The following ERC2 variants were observed in gnomAD, a reference collection of about 807,000 sequenced individuals.
ERC2 encodes the protein ELKS/RAB6-interacting/CAST family member 2, also known as ERC protein 2.
Under a neutral mutation model 114.8 loss-of-function variants are expected in ERC2, and 42 were observed. That is an observed-to-expected ratio of 0.37 (90% CI 0.29 to 0.47). ERC2 has a LOEUF of 0.47. Among genes scored for constraint, ERC2 ranks in the 20% least tolerant of loss-of-function variants. The pLI is 0.99. For missense variants in ERC2, 939 were observed against 1,150.7 expected, an observed-to-expected ratio of 0.82 and a Z score of 2.66; for synonymous variants, 454 against 425.5, an observed-to-expected ratio of 1.07 and a Z score of -0.82.
At chr3:56,137,058 G>T (rs2080551056) in intron 6 of ERC2, among the ~76,000 whole-genome samples, 1 of 152,092 alleles carries the variant, frequency 6.6e-6, no homozygotes, top group African/African-American at 2.4e-5. Flanking sequence ...GTCTAATTTG[G>T]ACTACATTAA....
intron 14 of ERC2, among the ~76,000 whole-genome samples, chr3:55,738,941 T>C (rs1048982984): frequency 1.3e-5 from 2 of 152,114 alleles, no homozygotes; most frequent in African/African-American, 4.8e-5. Flanking sequence ...CCCCAGTGTG[T>C]GATGTTCCCC....
intron 17 of ERC2, among the ~76,000 whole-genome samples, chr3:55,596,522 C>T (rs138411050): frequency 4.6e-5 from 7 of 152,222 alleles, no homozygotes; most frequent in East Asian, 3.9e-4. Flanking sequence ...AAGGTTACAG[C>T]GAGCTGTGAT....
intron 14 of ERC2, among the ~76,000 whole-genome samples, chr3:55,756,675 A>G (rs2067079753): frequency 6.6e-6 from 1 of 152,224 alleles, no homozygotes; most frequent in Non-Finnish European, 1.5e-5. Context: ...AAATCAAATC[A>G]GCTTGAAAAC....
chr3:56,090,776 G>C (rs2149784544), intron 6 of ERC2, among the ~76,000 whole-genome samples: 1 of 134,514 alleles, frequency 7.4e-6, no homozygotes, highest in African/African-American at 2.8e-5. Flanking sequence ...ATTTTTCAAT[G>C]CTCCCTGGCT....
chr3:56,327,645 C>T (rs1475982393), intron 2 of ERC2, among the ~76,000 whole-genome samples: 2 of 152,126 alleles, frequency 1.3e-5, no homozygotes, highest in African/African-American at 2.4e-5. Context: ...CACTGCACTC[C>T]GGTCTGGATA....
chr3:55,697,008 T>C (rs1364724437), intron 16 of ERC2, among the ~76,000 whole-genome samples: 1 of 152,232 alleles, frequency 6.6e-6, no homozygotes, highest in East Asian at 1.9e-4. Flanking sequence ...GTTTCTAAGG[T>C]ATGGGCCCCT....
chr3:55,679,201 T>G (rs2061946009), intron 17 of ERC2, among the ~76,000 whole-genome samples: 3 of 152,218 alleles, frequency 2.0e-5, no homozygotes, highest in Admixed American at 2.0e-4. Flanking sequence ...TCTCACTGTT[T>G]TGTGCTCTAC....
chr3:56,307,869 C>A (rs1232393453), intron 2 of ERC2, among the ~76,000 whole-genome samples: 1 of 151,986 alleles, frequency 6.6e-6, no homozygotes, highest in African/African-American at 2.4e-5. Context: ...CACAGAATGA[C>A]CCTCTCAAGG....
chr3:56,318,404 T>C (rs1378043136), intron 2 of ERC2, among the ~76,000 whole-genome samples: 1 of 152,156 alleles, frequency 6.6e-6, no homozygotes, highest in African/African-American at 2.4e-5. Flanking sequence ...CTCAAACTCC[T>C]GGGCTCAAGT....
At chr3:56,416,841 T>C (rs991654011) in intron 2 of ERC2, among the ~76,000 whole-genome samples, 1 of 152,190 alleles carries the variant, frequency 6.6e-6, no homozygotes, top group African/African-American at 2.4e-5. Flanking sequence ...CATGGTTCCA[T>C]GTTTATTGAC....
At chr3:56,334,054 A>C (rs1458164844) in intron 2 of ERC2, among the ~76,000 whole-genome samples, 8 of 152,198 alleles carry the variant, frequency 5.3e-5, no homozygotes, top group Non-Finnish European at 7.4e-5. Flanking sequence ...GTTTAATCCC[A>C]AAAGCAACCA....
At chr3:56,195,997 A>C (rs1475699042) in intron 3 of ERC2, among the ~76,000 whole-genome samples, 1 of 152,178 alleles carries the variant, frequency 6.6e-6, no homozygotes, top group Non-Finnish European at 1.5e-5. Context: ...CACAGCACAG[A>C]GTGTTGTATC....
At chr3:55,702,316 G>T (rs1358688071) in intron 15 of ERC2, among the ~76,000 whole-genome samples, 1 of 152,134 alleles carries the variant, frequency 6.6e-6, no homozygotes, top group Non-Finnish European at 1.5e-5. Flanking sequence ...GAGCGGAAGA[G>T]GCTTCTTTTG....
At chr3:55,626,176 C>T (rs2148612562) in intron 17 of ERC2, among the ~76,000 whole-genome samples, 1 of 152,246 alleles carries the variant, frequency 6.6e-6, no homozygotes, top group Admixed American at 6.5e-5. Flanking sequence ...TTTAGCATGC[C>T]TTTTTGACCT....
chr3:56,451,361 T>C (rs1391479644), intron 1 of ERC2, among the ~76,000 whole-genome samples: 2 of 151,924 alleles, frequency 1.3e-5, no homozygotes, highest in Non-Finnish European at 2.9e-5. Flanking sequence ...TTAGCAAAGA[T>C]TGTAAGCTAT....
At chr3:55,632,153 C>G (rs2059781255) in intron 17 of ERC2, among the ~76,000 whole-genome samples, 1 of 152,228 alleles carries the variant, frequency 6.6e-6, no homozygotes, top group African/African-American at 2.4e-5. Flanking sequence ...TGCCAAACAG[C>G]TGGTTCCCTC....
At chr3:56,458,735 C>G (rs145276268) in intron 1 of ERC2, among the ~76,000 whole-genome samples, 4 of 151,690 alleles carry the variant, frequency 2.6e-5, no homozygotes, top group Admixed American at 6.6e-5. Flanking sequence ...GGTCAAAATG[C>G]GAAACAAAGA....
rs140210423 is a variant in ERC2 at position 56,048,839 on chromosome 3, C to T, written c.1642-29808G>A. ...GCACACAAAATGTAGTAACTTCAGACAGTGATAAGTACAAAGTGCTAGGTA... is the reference window on the plus strand; with the variant it reads ...GCACACAAAATGTAGTAACTTCAGATAGTGATAAGTACAAAGTGCTAGGTA... On this transcript the variant is annotated intron_variant, in intron 7 of 17. Coordinates refer to ENST00000288221, the MANE Select transcript of ERC2 (RefSeq NM_015576.3). Among the ~76,000 whole-genome samples the T allele has an allele frequency of 5.2e-3, 788 of 152,234 alleles. 5 individuals carry two copies. Among genetic ancestry groups the T allele is most frequent in the African/African-American group, 0.018 (730 of 41,540 alleles).
intron 14 of ERC2, among the ~76,000 whole-genome samples, chr3:55,796,272 G>A (rs1353941944): frequency 6.6e-6 from 1 of 152,190 alleles, no homozygotes; most frequent in Non-Finnish European, 1.5e-5. Flanking sequence ...GAACTATTGG[G>A]CCTTCGGTGG....
Sources: gnomAD v4.1 joint callset for allele counts (sites outside exome capture counted in the v4.1 genomes callset) on GRCh38, gnomAD v4.1.1 for gene constraint, MANE v1.5 for transcripts, NCBI Gene and HGNC (gene_info 2026-07-23, HGNC 2026-07-21) for gene names.